PKP4: variants seen among roughly 807,000 people sequenced by gnomAD.
PKP4 encodes plakophilin-4.
PKP4 carries 90 observed loss-of-function variants against 145.1 expected under a neutral mutation model. That is an observed-to-expected ratio of 0.62 (90% CI 0.52 to 0.74). The LOEUF (loss-of-function observed/expected upper bound fraction) is 0.74. Among genes scored for constraint, PKP4 ranks in the 30% least tolerant of loss-of-function variants. The pLI, the probability that PKP4 is intolerant of heterozygous loss-of-function variation, is 0.00. For synonymous variants in PKP4, 563 were observed against 577.2 expected (o/e 0.98, Z 0.35); for missense variants, 1,340 against 1,482.7 (o/e 0.90, Z 1.58).
chr2:158,500,377 A>C (rs976650566), intron 1 of PKP4, among the ~76,000 whole-genome samples: 2 of 152,208 alleles, frequency 1.3e-5, no homozygotes. Flanking sequence ...TCACAAATAC[A>C]TTTTTGTTCT....
At chr2:158,650,746 G>C (rs564170056) in intron 11 of PKP4, among the ~76,000 whole-genome samples, 1 of 152,306 alleles carries the variant, frequency 6.6e-6, no homozygotes, top group Non-Finnish European at 1.5e-5. Flanking sequence ...AGCACAGCTG[G>C]ACCTGAGTGA....
chr2:158,673,655 A>T, intron 17 of PKP4, 22 bp from the exon 18 acceptor site: 1 of 1,568,878 alleles, frequency 6.4e-7, no homozygotes, highest in South Asian at 1.1e-5. Flanking sequence ...CACATTCATT[A>T]ATATCCTTGC....
intron 1 of PKP4, among the ~76,000 whole-genome samples, chr2:158,501,425 AT>A (rs1251031581): frequency 6.6e-6 from 1 of 152,220 alleles, no homozygotes; most frequent in Admixed American, 6.5e-5. Context: ...CATTCCACAG[AT>A]GCCACATTAC....
chr2:158,464,225 C>T (rs1690228846), intron 1 of PKP4, among the ~76,000 whole-genome samples: 1 of 152,214 alleles, frequency 6.6e-6, no homozygotes, highest in Non-Finnish European at 1.5e-5. Flanking sequence ...AGTTGCTCCT[C>T]TGAAAACATT....
At position 158,631,910 on chromosome 2, in the gene PKP4, A is replaced by G. The variant is rs768086645; in HGVS notation, c.1311A>G (p.Gly437=). 77 of 1,613,930 alleles carry G rather than the reference A, an allele frequency of 4.8e-5. No homozygotes were observed. The highest frequency in any genetic ancestry group is 6.2e-5 in the Non-Finnish European group (73 of 1,180,022). The change falls in exon 8 of 22, where the codon GGA becomes GGG. Residue 437 remains glycine (G), a synonymous_variant. Transcript: ENST00000389759. ...ACCATGGAACTGTGGAGCTCCAAGG[A>G]TCGCAGACGGCGTTGTATCGCACAG... ...SPNHGTVELQ[G]SQTALYRTGS... is the part of the protein sequence containing the mutation.
chr2:158,492,060 C>G (rs116052996), intron 1 of PKP4, among the ~76,000 whole-genome samples: 1 of 152,136 alleles, frequency 6.6e-6, no homozygotes, highest in Non-Finnish European at 1.5e-5. Context: ...CCTCCTATCA[C>G]AGTCTCCCAA....
intron 2 of PKP4, among the ~76,000 whole-genome samples, chr2:158,561,592 C>T (rs1237095232): frequency 6.6e-6 from 1 of 152,140 alleles, no homozygotes; most frequent in African/African-American, 2.4e-5. Flanking sequence ...AATCCAATTC[C>T]CTGACTTCCT....
intron 13 of PKP4, chr2:158,662,437 G>C (rs1460788948): frequency 6.5e-6 from 1 of 154,182 alleles, no homozygotes; most frequent in South Asian, 2.0e-4. Flanking sequence ...TGTCAGCAGG[G>C]AAAGACACCG....
intron 1 of PKP4, among the ~76,000 whole-genome samples, chr2:158,514,049 C>A (rs1031358495): frequency 6.6e-6 from 1 of 152,156 alleles, no homozygotes; most frequent in Non-Finnish European, 1.5e-5. Flanking sequence ...CTCCTTTGTT[C>A]CTGCTAGACA....
chr2:158,514,956 A>G (rs1228679399), intron 1 of PKP4, among the ~76,000 whole-genome samples: 1 of 152,228 alleles, frequency 6.6e-6, no homozygotes, highest in African/African-American at 2.4e-5. Flanking sequence ...AAAAAATTGC[A>G]AATTACTCAA....
intron 2 of PKP4, among the ~76,000 whole-genome samples, chr2:158,560,093 C>A (rs1354819279): frequency 6.6e-6 from 1 of 152,142 alleles, no homozygotes; most frequent in Admixed American, 6.5e-5. Context: ...TCTTGAACTC[C>A]TGGCCTCAAG....
chr2:158,646,941 C>T (rs898168660), intron 11 of PKP4, among the ~76,000 whole-genome samples: 12 of 152,034 alleles, frequency 7.9e-5, no homozygotes, highest in African/African-American at 2.9e-4. Context: ...AAATACAGAC[C>T]CTCAGGAGGT....
chr2:158,475,089 G>A (rs1003170154), intron 1 of PKP4, among the ~76,000 whole-genome samples: 9 of 152,144 alleles, frequency 5.9e-5, no homozygotes, highest in African/African-American at 2.2e-4. Context: ...AGAAAATCAT[G>A]AATTAGCGAT....
chr2:158,638,806 G>A (rs1300482877), intron 9 of PKP4, among the ~76,000 whole-genome samples: 2 of 152,216 alleles, frequency 1.3e-5, no homozygotes, highest in East Asian at 3.9e-4. Flanking sequence ...GAAGAAAAGA[G>A]AGGAATCAAA....
At chr2:158,483,380 A>ATTT (rs1559204885) in intron 1 of PKP4, among the ~76,000 whole-genome samples, 124 of 147,934 alleles carry the variant, frequency 8.4e-4, no homozygotes, top group East Asian at 2.4e-3. Context: ...TTTTTTTTTA[A>ATTT]ATCATTTTGT....
chr2:158,544,746 T>C (rs1247801736), intron 2 of PKP4, among the ~76,000 whole-genome samples: 1 of 152,198 alleles, frequency 6.6e-6, no homozygotes, highest in Non-Finnish European at 1.5e-5. Context: ...CTACTCCAAC[T>C]TATCTGTTAT....
chr2:158,584,446 C>G (rs1244466918), intron 3 of PKP4, among the ~76,000 whole-genome samples: 1 of 152,176 alleles, frequency 6.6e-6, no homozygotes, highest in Non-Finnish European at 1.5e-5. Context: ...ATTCACCGTT[C>G]CAGTAGGCAT....
intron 2 of PKP4, among the ~76,000 whole-genome samples, chr2:158,543,736 C>G (rs774135493): frequency 6.6e-6 from 1 of 152,202 alleles, no homozygotes; most frequent in South Asian, 2.1e-4. Context: ...TGCAAAGGAT[C>G]AAGGTAGCCA....
In PKP4 at chr2:158,672,851, C is replaced by T. The variant is rs957213848; in HGVS notation, c.2925-826C>T. On this transcript the variant is annotated intron_variant, in intron 17 of 21. Coordinates refer to ENST00000389759, the MANE Select transcript of PKP4 (RefSeq NM_003628.6). Reference sequence around the variant, plus strand: ...CATGAGAGTTTAATTGGGAAGATAACGGAGTAGAAGAGAAAACCAGATTTT... The same window carrying T: ...CATGAGAGTTTAATTGGGAAGATAATGGAGTAGAAGAGAAAACCAGATTTT... Among the ~76,000 whole-genome samples, 3 of 150,218 alleles carry T rather than the reference C, an allele frequency of 2.0e-5. No individual in the cohort carries two copies. In the East Asian group the frequency reaches 5.9e-4, roughly 30 times the overall value.
Sources: allele counts gnomAD v4.1 joint callset (sites outside exome capture counted in the v4.1 genomes callset), GRCh38; gene constraint gnomAD v4.1.1; transcripts MANE v1.5; gene names NCBI Gene and HGNC (gene_info 2026-07-23, HGNC 2026-07-21).